ANKRD28: variants seen among roughly 807,000 people sequenced by gnomAD.
The protein encoded by ANKRD28 is serine/threonine-protein phosphatase 6 regulatory ankyrin repeat subunit A.
Under a neutral mutation model 126.5 loss-of-function variants are expected in ANKRD28, and 44 were observed. The ratio of observed to expected loss-of-function variants is 0.35; its 90% CI spans 0.27 to 0.45. ANKRD28 has a LOEUF of 0.45. Ranked by LOEUF, ANKRD28 falls within the 20% of genes least tolerant of loss-of-function variation. The pLI is 1.00. For synonymous variants in ANKRD28, 442 were observed against 468.5 expected (o/e 0.94, Z 0.73); for missense variants, 1,110 against 1,316.6 (o/e 0.84, Z 2.43).
rs529591182 is a variant in ANKRD28 at position 15,818,339 on chromosome 3, A to AT, written c.28-23034dup. On this transcript the variant is annotated intron_variant, in intron 1 of 27. Coordinates refer to the ANKRD28 transcript ENST00000399451. ...ACGCCACAAGTGGAAAATTCCACAA[A>AT]TAAGTACTTAACAGAAACTTTGTTT... Among the ~76,000 whole-genome samples, 7 of 152,350 alleles carry AT rather than the reference A, an allele frequency of 4.6e-5. No individual in the cohort carries two copies. In the South Asian group the frequency reaches 1.2e-3, roughly 27 times the overall value.
intron 9 of ANKRD28, among the ~76,000 whole-genome samples, chr3:15,714,053 C>T (rs2072678280): frequency 6.6e-6 from 1 of 152,128 alleles, no homozygotes; most frequent in Non-Finnish European, 1.5e-5. Context: ...AACCATAGCA[C>T]CTATTATCTT....
chr3:15,804,800 A>G (rs991180939), intron 1 of ANKRD28, among the ~76,000 whole-genome samples: 1 of 145,614 alleles, frequency 6.9e-6, no homozygotes, highest in Non-Finnish European at 1.5e-5. Flanking sequence ...GAAATCACCT[A>G]GATGACAGAC....
intron 1 of ANKRD28, among the ~76,000 whole-genome samples, chr3:15,828,397 T>C (rs748910646): frequency 2.6e-5 from 4 of 152,098 alleles, no homozygotes; most frequent in Non-Finnish European, 5.9e-5. Context: ...ACACCTTACA[T>C]GTAAGAGATT....
intron 1 of ANKRD28, among the ~76,000 whole-genome samples, chr3:15,826,538 A>AG (rs2061070563): frequency 6.6e-6 from 1 of 152,206 alleles, no homozygotes. Flanking sequence ...GTGGTTACCT[A>AG]GGAAAAAAGG....
At chr3:15,756,505 G>A (rs1027603907) in intron 3 of ANKRD28, 141 of 985,314 alleles carry the variant, frequency 1.4e-4, no homozygotes, top group Non-Finnish European at 1.6e-4. Context: ...GCTCTAGGCA[G>A]CCAGCAATGC....
In ANKRD28 at chr3:15,843,384, C is replaced by T. The variant is rs2061461962; in HGVS notation, c.27+15993G>A. On this transcript the variant is annotated intron_variant, in intron 1 of 27. Coordinates refer to the ANKRD28 transcript ENST00000399451. This position sits in a 1 kb window ranked among gnomAD's most constrained non-coding sequence, Gnocchi z 5.2. ...TGTCAACATGAGATGTGGGCAAGAA[C>T]ACACATCCAAACTCTATCACCTGGT... Among the ~76,000 whole-genome samples the T allele has an allele frequency of 6.6e-6, 1 of 152,162 alleles. No individual in the cohort carries two copies. The highest frequency in any genetic ancestry group is 1.5e-5 in the Non-Finnish European group (1 of 68,042).
intron 4 of ANKRD28, among the ~76,000 whole-genome samples, chr3:15,744,915 A>AT (rs1559458080): frequency 6.6e-6 from 1 of 151,120 alleles, no homozygotes; most frequent in Non-Finnish European, 1.5e-5. Flanking sequence ...TTATTTTTTC[A>AT]TTTTTTTGAC....
chr3:15,840,817 C>G (rs910270656), intron 1 of ANKRD28, among the ~76,000 whole-genome samples: 1 of 152,110 alleles, frequency 6.6e-6, no homozygotes, highest in Non-Finnish European at 1.5e-5. Flanking sequence ...TAAATGGTGC[C>G]AGGAAAACTG....
chr3:15,783,316 C>T (rs908064053), intron 2 of ANKRD28, among the ~76,000 whole-genome samples: 1 of 151,742 alleles, frequency 6.6e-6, no homozygotes, highest in African/African-American at 2.4e-5. Flanking sequence ...CAAATTAAGA[C>T]CAAATTGAGA....
intron 8 of ANKRD28, among the ~76,000 whole-genome samples, chr3:15,720,235 G>C (rs988490859): frequency 6.6e-6 from 1 of 151,908 alleles, no homozygotes; most frequent in Admixed American, 6.6e-5. Context: ...AAACCAAAAA[G>C]CAACTATTCC....
At chr3:15,737,746 A>G (rs2075126764) in intron 4 of ANKRD28, among the ~76,000 whole-genome samples, 1 of 152,130 alleles carries the variant, frequency 6.6e-6, no homozygotes, top group Non-Finnish European at 1.5e-5. Flanking sequence ...GGTTACAAAC[A>G]TGAGCCAGTC....
At chr3:15,763,912 T>C (rs2058617989) in intron 3 of ANKRD28, among the ~76,000 whole-genome samples, 1 of 152,194 alleles carries the variant, frequency 6.6e-6, no homozygotes, top group Admixed American at 6.5e-5. Context: ...ATTACCTCTT[T>C]ACACTGATAA....
chr3:15,729,840 TG>T (rs1190903101), intron 6 of ANKRD28, among the ~76,000 whole-genome samples: 1 of 152,208 alleles, frequency 6.6e-6, no homozygotes, highest in African/African-American at 2.4e-5. Flanking sequence ...TCTACTATTA[TG>T]TTTCTAGAAA....
chr3:15,700,782 A>G (rs75696549), intron 14 of ANKRD28, among the ~76,000 whole-genome samples: 16,001 of 152,214 alleles, frequency 0.11, 1,072 homozygotes, highest in East Asian at 0.2. Flanking sequence ...GAAACACAAC[A>G]GTATATAGGC....
intron 4 of ANKRD28, among the ~76,000 whole-genome samples, chr3:15,741,072 G>A (rs537039047): frequency 2.6e-5 from 4 of 152,198 alleles, no homozygotes; most frequent in East Asian, 1.9e-4. Flanking sequence ...GGGGGCGGGC[G>A]CCTGTAGTCC....
At chr3:15,722,927 TA>T (rs1287266444) in intron 7 of ANKRD28, among the ~76,000 whole-genome samples, 6 of 145,212 alleles carry the variant, frequency 4.1e-5, no homozygotes, top group East Asian at 2.0e-4. Context: ...TCTACGAAAC[TA>T]AAAAAAAAAC....
chr3:15,750,126 A>T (rs1348568313), intron 4 of ANKRD28, among the ~76,000 whole-genome samples: 1 of 152,192 alleles, frequency 6.6e-6, no homozygotes, highest in Non-Finnish European at 1.5e-5. Flanking sequence ...TTTCTTTAGT[A>T]ATTTTTGGTC....
chr3:15,806,257 C>A (rs1403804243), intron 1 of ANKRD28, among the ~76,000 whole-genome samples: 1 of 152,128 alleles, frequency 6.6e-6, no homozygotes, highest in Admixed American at 6.5e-5. Flanking sequence ...TAGCTGTAGA[C>A]AATTTTGAAC....
intron 2 of ANKRD28, among the ~76,000 whole-genome samples, chr3:15,782,769 T>C (rs2059594365): frequency 6.6e-6 from 1 of 152,084 alleles, no homozygotes; most frequent in African/African-American, 2.4e-5. Flanking sequence ...TGAGTTTGCA[T>C]CCCTCATTTG....
Sources: allele counts gnomAD v4.1 joint callset (sites outside exome capture counted in the v4.1 genomes callset), GRCh38; gene constraint gnomAD v4.1.1; non-coding constraint Gnocchi (gnomAD v3.1); transcripts MANE v1.5; gene names NCBI Gene and HGNC (gene_info 2026-07-23, HGNC 2026-07-21).